The following LIN9 variants were observed in gnomAD, a reference collection of about 807,000 sequenced individuals.
The protein encoded by LIN9 is protein lin-9 homolog.
Under a neutral mutation model 78.0 loss-of-function variants are expected in LIN9, and 18 were observed. That is an observed-to-expected ratio of 0.23 (90% CI 0.16 to 0.34). The LOEUF is 0.34. Ranked by LOEUF, LIN9 falls within the 10% of genes least tolerant of loss-of-function variation. The probability of loss-of-function intolerance (pLI) is 1.00; values close to 1 mark genes in which losing one functional copy is unlikely to be tolerated. For synonymous variants in LIN9, 192 were observed against 215.2 expected, an observed-to-expected ratio of 0.89 and a Z score of 0.94; for missense variants, 451 against 644.1, an observed-to-expected ratio of 0.70 and a Z score of 3.25.
intron 11 of LIN9, among the ~76,000 whole-genome samples, chr1:226,249,657 TG>T (rs1658705091): frequency 6.6e-6 from 1 of 152,188 alleles, no homozygotes; most frequent in Admixed American, 6.5e-5. Context: ...TTCCCATTCC[TG>T]CACTTACAAC....
Position 226,252,243 on chromosome 1 carries a change from C to T in LIN9, c.1039-1324G>A, listed in dbSNP as rs192117135. Among the ~76,000 whole-genome samples, 52 of 151,212 alleles carry T rather than the reference C, an allele frequency of 3.4e-4. 1 individual carries two copies. Among genetic ancestry groups the T allele is most frequent in the African/African-American group, 1.2e-3 (49 of 41,206 alleles). On this transcript the variant is annotated intron_variant, in intron 10 of 14. Transcript: ENST00000681046. ...ATGCAGTGAACTGAAATCATGCCACCGCACTCCAGCCTGGGCAACAGAGCA... is the reference window on the plus strand; with the variant it reads ...ATGCAGTGAACTGAAATCATGCCACTGCACTCCAGCCTGGGCAACAGAGCA...
chr1:226,257,694 A>G (rs1421884745), intron 10 of LIN9, among the ~76,000 whole-genome samples: 2 of 152,222 alleles, frequency 1.3e-5, no homozygotes, highest in East Asian at 3.8e-4. Flanking sequence ...AAGAAAGCAG[A>G]GAAAAATGGA....
chr1:226,270,041 G>C (rs528022689), intron 7 of LIN9, among the ~76,000 whole-genome samples: 1 of 152,088 alleles, frequency 6.6e-6, no homozygotes, highest in Non-Finnish European at 1.5e-5. Flanking sequence ...TCCTGCCTCA[G>C]CCTCCTGAGT....
chr1:226,305,170 TA>T (rs930861830), intron 1 of LIN9, among the ~76,000 whole-genome samples: 2 of 148,884 alleles, frequency 1.3e-5, no homozygotes, highest in Admixed American at 6.7e-5. Context: ...ACTCCATCTT[TA>T]AAAAAAAATA....
chr1:226,301,593 A>C (rs1662536761), intron 1 of LIN9, among the ~76,000 whole-genome samples: 1 of 152,214 alleles, frequency 6.6e-6, no homozygotes, highest in Admixed American at 6.5e-5. Flanking sequence ...GTAGTAATGG[A>C]GTGGAAAAAA....
chr1:226,241,242 AATGCAGGAC>A (rs1218721241), intron 11 of LIN9, among the ~76,000 whole-genome samples: 1 of 152,250 alleles, frequency 6.6e-6, no homozygotes, highest in Admixed American at 6.5e-5. Flanking sequence ...ATGCAGGGAT[AATGCAGGAC>A]ATGCTGAATT....
chr1:226,255,792 G>C (rs1659152130), intron 10 of LIN9, among the ~76,000 whole-genome samples: 1 of 151,424 alleles, frequency 6.6e-6, no homozygotes, highest in Admixed American at 6.6e-5. Flanking sequence ...ATATTAATAG[G>C]AACTTCCAAA....
intron 4 of LIN9, among the ~76,000 whole-genome samples, chr1:226,290,506 AATTTTTTGT>A (rs1345577554): frequency 4.6e-5 from 7 of 151,442 alleles, no homozygotes; most frequent in Non-Finnish European, 1.5e-5. Context: ...ACGCCCGGCT[AATTTTTTGT>A]ATTTTTTGTA....
intron 11 of LIN9, among the ~76,000 whole-genome samples, chr1:226,248,184 G>A (rs1658605167): frequency 6.6e-6 from 1 of 152,186 alleles, no homozygotes; most frequent in African/African-American, 2.4e-5. Flanking sequence ...TTGAGTAAAT[G>A]CCACGTTTGA....
chr1:226,287,581 T>C (rs184585107), intron 5 of LIN9, 83 bp downstream of exon 5: 40 of 886,390 alleles, frequency 4.5e-5, no homozygotes, highest in African/African-American at 3.7e-4. Context: ...AGTAGACCTA[T>C]AGAAAATGTT....
chr1:226,297,475 T>C (rs1186331339), intron 3 of LIN9, among the ~76,000 whole-genome samples: 1 of 152,236 alleles, frequency 6.6e-6, no homozygotes, highest in Non-Finnish European at 1.5e-5. Context: ...GTATAAGTTG[T>C]AGTTTTTGTT....
At chr1:226,300,565 C>CA (rs1662467145) in intron 2 of LIN9, among the ~76,000 whole-genome samples, 2 of 151,888 alleles carry the variant, frequency 1.3e-5, no homozygotes, top group Admixed American at 6.6e-5. Flanking sequence ...AATAAATAAA[C>CA]AAAAAATCTG....
At chr1:226,269,367 C>G (rs1254258956) in intron 7 of LIN9, among the ~76,000 whole-genome samples, 2 of 152,124 alleles carry the variant, frequency 1.3e-5, no homozygotes, top group African/African-American at 4.8e-5. Flanking sequence ...GTTATGGTGG[C>G]ATGAAGAGGC....
At chr1:226,279,717 G>C (rs1217799187) in intron 6 of LIN9, among the ~76,000 whole-genome samples, 1 of 140,998 alleles carries the variant, frequency 7.1e-6, no homozygotes, top group Non-Finnish European at 1.5e-5. Flanking sequence ...AGAAGTTGTA[G>C]TGAGCCGAGA....
At position 226,287,607 on chromosome 1, in the gene LIN9, T is replaced by G. The variant is rs139663318; in HGVS notation, c.398+57A>C. 7.7e-3 allele frequency: 10,023 copies of G among 1,305,706 alleles called. 57 individuals are homozygous for G. The highest frequency in any genetic ancestry group is 8.1e-3 in the Non-Finnish European group (7,748 of 962,270). 80.9% of individuals were successfully genotyped at this position (1,305,706 alleles called of 1,614,324 possible). A position where few individuals can be genotyped will look rare whatever the true frequency, so the allele number is the denominator to read the frequency against. On this transcript the variant is annotated intron_variant, in intron 5 of 14. Transcript: ENST00000681046. Reference sequence around the variant, plus strand: ...AGAAAATGTTGTAGCTTAAAACACTTGAAAAACTTAAATTTCTGATTCAAG... The same window carrying G: ...AGAAAATGTTGTAGCTTAAAACACTGGAAAAACTTAAATTTCTGATTCAAG...
chr1:226,261,341 CTA>C (rs1040452144), intron 10 of LIN9, among the ~76,000 whole-genome samples: 5 of 151,558 alleles, frequency 3.3e-5, no homozygotes, highest in Non-Finnish European at 7.4e-5. Context: ...AAAAAAACAA[CTA>C]TCTGTTTTAG....
chr1:226,233,580 G>A (rs1657489222), intron 12 of LIN9, 57 bp from the exon 13 acceptor site: 1 of 1,332,322 alleles, frequency 7.5e-7, no homozygotes, highest in Non-Finnish European at 1.0e-6. Context: ...GATTATTTCT[G>A]TATGTGTTTG....
chr1:226,236,845 T>C (rs1335775992), intron 12 of LIN9, among the ~76,000 whole-genome samples: 2 of 152,230 alleles, frequency 1.3e-5, no homozygotes, highest in Non-Finnish European at 2.9e-5. Context: ...CATTGCTGGG[T>C]AGCATTTCCA....
intron 7 of LIN9, among the ~76,000 whole-genome samples, chr1:226,272,273 C>G (rs1236597187): frequency 2.0e-5 from 3 of 151,580 alleles, no homozygotes; most frequent in Admixed American, 2.0e-4. Context: ...CCAGGCTGGT[C>G]TTGAACTCCT....
Sources: gnomAD v4.1 joint callset for allele counts (sites outside exome capture counted in the v4.1 genomes callset) on GRCh38, gnomAD v4.1.1 for gene constraint, MANE v1.5 for transcripts, NCBI Gene and HGNC (gene_info 2026-07-23, HGNC 2026-07-21) for gene names.